NPAS3: variants seen among roughly 807,000 people sequenced by gnomAD.
The protein encoded by NPAS3 is neuronal PAS domain-containing protein 3.
A neutral mutation model predicts 73.1 loss-of-function variants in NPAS3; 14 were observed. The ratio of observed to expected loss-of-function variants is 0.19; its 90% CI spans 0.13 to 0.30. NPAS3 has a LOEUF of 0.30. Ranked by LOEUF, NPAS3 falls within the 10% of genes least tolerant of loss-of-function variation. The probability of loss-of-function intolerance (pLI) is 1.00; values close to 1 mark genes in which losing one functional copy is unlikely to be tolerated. For synonymous variants in NPAS3, 620 were observed against 541.5 expected (o/e 1.14, Z -2.01); for missense variants, 1,096 against 1,250.0 (o/e 0.88, Z 1.86).
intron 5 of NPAS3, among the ~76,000 whole-genome samples, chr14:33,587,345 A>C (rs2056899369): frequency 6.6e-6 from 1 of 152,234 alleles, no homozygotes; most frequent in South Asian, 2.1e-4. Context: ...AAATTCCTTA[A>C]GATGGCAGTC....
chr14:33,725,451 T>C (rs1389994428), intron 6 of NPAS3, among the ~76,000 whole-genome samples: 3 of 152,166 alleles, frequency 2.0e-5, no homozygotes, highest in African/African-American at 7.2e-5. Context: ...AGCTGAGTGA[T>C]AACATTATGG....
chr14:33,142,928 C>T (rs2044106934), intron 2 of NPAS3, among the ~76,000 whole-genome samples: 1 of 151,406 alleles, frequency 6.6e-6, no homozygotes, highest in South Asian at 2.1e-4. Flanking sequence ...ACGGTGAAAC[C>T]CTATCTCTAC....
chr14:33,079,180 T>C (rs2041773943), intron 2 of NPAS3, among the ~76,000 whole-genome samples: 1 of 152,156 alleles, frequency 6.6e-6, no homozygotes, highest in South Asian at 2.1e-4. Context: ...AAGGGAGAAA[T>C]AGCTGTTTAT....
intron 4 of NPAS3, among the ~76,000 whole-genome samples, chr14:33,405,169 CTCTG>C (rs1333674087): frequency 6.6e-5 from 10 of 151,980 alleles, no homozygotes; most frequent in Admixed American, 1.3e-4. Context: ...TGCTGCAGCT[CTCTG>C]TCTTAGTTAT....
At chr14:33,595,783 G>A (rs2057222494) in intron 5 of NPAS3, among the ~76,000 whole-genome samples, 1 of 152,072 alleles carries the variant, frequency 6.6e-6, no homozygotes, top group African/African-American at 2.4e-5. Flanking sequence ...CCATTCTCCT[G>A]CCTCAGCCTC....
chr14:33,610,195 A>G (rs1311004375), intron 5 of NPAS3, among the ~76,000 whole-genome samples: 1 of 152,206 alleles, frequency 6.6e-6, no homozygotes, highest in Non-Finnish European at 1.5e-5. Context: ...AATAAAAAGG[A>G]AAAATATATC....
chr14:33,527,561 G>A lies in NPAS3; in HGVS notation c.469-32560G>A, dbSNP rs887328663. ...TGTGCACGTACACAAATGCACACCC[G>A]TTATGAGTTACTGATACTGGAAAGA... On this transcript the variant is annotated intron_variant, in intron 4 of 11. Transcript: ENST00000356141. 1.1e-4 allele frequency among the ~76,000 whole-genome samples: 17 copies of A among 152,056 alleles called. No homozygotes were observed. The East Asian group carries it at 2.1e-3, about 19-fold the overall frequency.
intron 7 of NPAS3, among the ~76,000 whole-genome samples, chr14:33,747,340 A>G (rs1329891497): frequency 6.6e-6 from 1 of 152,200 alleles, no homozygotes; most frequent in African/African-American, 2.4e-5. Flanking sequence ...TCGCAAGAAC[A>G]AAAAACCAAA....
intron 1 of NPAS3, among the ~76,000 whole-genome samples, chr14:32,990,963 G>A (rs755404345): frequency 6.8e-5 from 10 of 146,816 alleles, no homozygotes; most frequent in African/African-American, 1.0e-4. Flanking sequence ...GCCACTGATT[G>A]GAGGATTAAT....
intron 1 of NPAS3, among the ~76,000 whole-genome samples, chr14:33,013,196 A>C (rs1408879140): frequency 1.3e-5 from 2 of 152,210 alleles, no homozygotes; most frequent in Non-Finnish European, 2.9e-5. Context: ...ATCATACAAC[A>C]AATGAGAATG....
At chr14:33,257,427 G>A (rs187662833) in intron 3 of NPAS3, among the ~76,000 whole-genome samples, 3 of 152,116 alleles carry the variant, frequency 2.0e-5, no homozygotes, top group East Asian at 3.9e-4. Flanking sequence ...CCCTACCATA[G>A]CATTTAAAAA....
intron 4 of NPAS3, among the ~76,000 whole-genome samples, chr14:33,503,465 C>A (rs1193243102): frequency 3.3e-5 from 5 of 151,826 alleles, no homozygotes; most frequent in Non-Finnish European, 7.4e-5. Flanking sequence ...AATAGCAAGA[C>A]CGTAATTGGT....
intron 3 of NPAS3, among the ~76,000 whole-genome samples, chr14:33,263,585 A>G (rs1049834030): frequency 2.0e-5 from 3 of 152,102 alleles, no homozygotes; most frequent in African/African-American, 7.2e-5. Context: ...TTGGCTTAGG[A>G]TTGACTTGGC....
chr14:33,680,663 A>G, intron 6 of NPAS3: 1 of 702,632 alleles, frequency 1.4e-6, no homozygotes, highest in Non-Finnish European at 2.6e-6. Flanking sequence ...CAGGAAGAAC[A>G]TGCCTGGATC....
intron 5 of NPAS3, among the ~76,000 whole-genome samples, chr14:33,656,714 G>A (rs77335095): frequency 4.0e-4 from 61 of 152,076 alleles, no homozygotes; most frequent in African/African-American, 1.4e-3. Context: ...TTTCTTTGGT[G>A]GTGAGAGCAC....
chr14:33,378,469 C>T (rs1274406960), intron 4 of NPAS3, among the ~76,000 whole-genome samples: 1 of 152,102 alleles, frequency 6.6e-6, no homozygotes, highest in Admixed American at 6.6e-5. Context: ...AACCCTATCT[C>T]TGCTAAAAAT....
At chr14:33,050,150 T>C (rs1253055720) in intron 1 of NPAS3, among the ~76,000 whole-genome samples, 1 of 152,200 alleles carries the variant, frequency 6.6e-6, no homozygotes, top group Non-Finnish European at 1.5e-5. Context: ...ATTTGGTGCT[T>C]GGGCCCTGTG....
intron 4 of NPAS3, among the ~76,000 whole-genome samples, chr14:33,462,766 A>C (rs1056400211): frequency 1.3e-5 from 2 of 151,882 alleles, no homozygotes; most frequent in Non-Finnish European, 1.5e-5. Flanking sequence ...GTCTGGATTC[A>C]AAACCTAGCT....
In NPAS3 at chr14:33,573,833, G is replaced by A. The variant is rs1018144568; in HGVS notation, c.558+13623G>A. 3.3e-5 allele frequency among the ~76,000 whole-genome samples: 5 copies of A among 152,164 alleles called. No individual in the cohort carries two copies. The East Asian group carries it at 9.6e-4, about 29-fold the overall frequency. ...GATAGAAAGCACCCTCCAATTAAAA[G>A]ACTGATAAATAGTCCAGAAAAGAGG... On this transcript the variant is annotated intron_variant, in intron 5 of 11. Coordinates refer to ENST00000356141, the Ensembl canonical transcript of NPAS3.
Sources: allele counts gnomAD v4.1 joint callset (sites outside exome capture counted in the v4.1 genomes callset), GRCh38; gene constraint gnomAD v4.1.1; transcripts MANE v1.5; gene names NCBI Gene and HGNC (gene_info 2026-07-23, HGNC 2026-07-21).